Variants in LRIF1 observed in about 807,000 individuals in gnomAD.
LRIF1 encodes ligand-dependent nuclear receptor-interacting factor 1.
Under a neutral mutation model 52.7 loss-of-function variants are expected in LRIF1, and 32 were observed. The observed-to-expected ratio is 0.61, with a 90% CI of 0.46 to 0.82. The LOEUF is 0.82. Ranked by LOEUF, LRIF1 falls within the 40% of genes least tolerant of loss-of-function variation. The pLI, the probability that LRIF1 is intolerant of heterozygous loss-of-function variation, is 0.00. For synonymous variants in LRIF1, 323 were observed against 317.4 expected (o/e 1.02, Z -0.19); for missense variants, 887 against 892.0 (o/e 0.99, Z 0.07).
intron 1 of LRIF1, among the ~76,000 whole-genome samples, chr1:110,957,273 C>G (rs2101118153): frequency 7.7e-6 from 1 of 129,454 alleles, no homozygotes; most frequent in East Asian, 2.2e-4. Context: ...CTGGCTAACA[C>G]AGTGAAACCC....
chr1:110,894,823 T>A, the LRIF1 span: 2 of 673,912 alleles, frequency 3.0e-6, no homozygotes, highest in Non-Finnish European at 5.4e-6. Flanking sequence ...ATAAACACCC[T>A]CCCCTCACCC....
chr1:110,963,583 AG>A (rs770575401), intron 1 of LRIF1, 37 bp downstream of exon 1: 3 of 1,565,010 alleles, frequency 1.9e-6, no homozygotes, highest in Non-Finnish European at 2.6e-6. Flanking sequence ...AGACGGACAG[AG>A]GGGCAGCCGT....
the LRIF1 span, among the ~76,000 whole-genome samples, chr1:110,882,622 T>A: frequency 6.6e-6 from 1 of 152,044 alleles, no homozygotes; most frequent in Non-Finnish European, 1.5e-5. Flanking sequence ...GCTGTAATAT[T>A]GATGGGGATT....
intron 1 of LRIF1, among the ~76,000 whole-genome samples, chr1:110,954,205 TAAC>T (rs1658600139): frequency 6.6e-6 from 1 of 152,212 alleles, no homozygotes; most frequent in African/African-American, 2.4e-5. Flanking sequence ...GCAGCCCGAA[TAAC>T]ATTATTATAT....
At chr1:110,946,608 AT>A (rs55737391), downstream of LRIF1, among the ~76,000 whole-genome samples, 38,606 of 130,824 alleles carry the variant, frequency 0.3, 5,523 homozygotes, top group East Asian at 0.39. Context: ...CATTGCACAG[AT>A]TTTTTTTTTC....
chr1:110,918,594 A>G, the LRIF1 span, among the ~76,000 whole-genome samples: 1 of 152,196 alleles, frequency 6.6e-6, no homozygotes, highest in Non-Finnish European at 1.5e-5. Context: ...GAGGGATAAA[A>G]TATTTGTAAA....
chr1:110,888,429 G>C, the LRIF1 span, among the ~76,000 whole-genome samples: 1 of 152,274 alleles, frequency 6.6e-6, no homozygotes, highest in East Asian at 1.9e-4. Flanking sequence ...GTGAATATAA[G>C]CTGAGGCAAT....
chr1:110,956,558 C>G (rs780032069), intron 1 of LRIF1, among the ~76,000 whole-genome samples: 1 of 152,186 alleles, frequency 6.6e-6, no homozygotes, highest in Non-Finnish European at 1.5e-5. Context: ...GCTAGAAATA[C>G]AGGAACTGGC....
At chr1:110,949,107 C>T (rs1361418564) in intron 3 of LRIF1, among the ~76,000 whole-genome samples, 5 of 151,268 alleles carry the variant, frequency 3.3e-5, no homozygotes, top group African/African-American at 7.3e-5. Flanking sequence ...GTGGGGTGGG[C>T]GGTGTTTATA....
At chr1:110,891,350 T>C in the LRIF1 span, 11 of 1,297,038 alleles carry the variant, frequency 8.5e-6, no homozygotes, top group Admixed American at 1.7e-5. Flanking sequence ...CTGGCTACCT[T>C]ACAGAGTGAG....
chr1:110,946,651 C>CTTT (rs1197301792), downstream of LRIF1, among the ~76,000 whole-genome samples: 122 of 80,876 alleles, frequency 1.5e-3, 1 homozygote, highest in African/African-American at 2.5e-3. Context: ...AGATTTGATC[C>CTTT]TTTTTTTTTT....
downstream of LRIF1, chr1:110,944,144 T>A (rs1658148488): frequency 6.6e-6 from 1 of 152,226 alleles, no homozygotes; most frequent in Admixed American, 6.5e-5. Context: ...GGGCTGATGA[T>A]AGCACTGACA....
chr1:110,942,669 C>T (rs1658119713), downstream of LRIF1, among the ~76,000 whole-genome samples: 1 of 151,900 alleles, frequency 6.6e-6, no homozygotes, highest in Non-Finnish European at 1.5e-5. Context: ...AGGCACGAGA[C>T]AAAGGAAAAA....
intron 1 of LRIF1, 111 bp downstream of exon 1, chr1:110,963,510 T>A: frequency 1.2e-6 from 1 of 835,468 alleles, no homozygotes; most frequent in Non-Finnish European, 1.8e-6. Context: ...TGGCGCACTC[T>A]GCGGGCTCCA....
chr1:110,951,887 T>G lies in LRIF1; in HGVS notation c.997A>C (p.Asn333His), dbSNP rs1230636585. Residue 333 changes from asparagine to histidine, a missense_variant, in exon 2 of 4, where the codon AAT (asparagine) becomes CAT (histidine). By Grantham distance (68) the Asn-to-His change is moderately conservative. Transcript: ENST00000369763. ...DRKNLGDNTI[N>H]MPPLSTIDPS... ...TCGATGGTACTCAATGGTGGCATAT[T>G]TATAGTATTATCTCCCAAATTTTTC... 6.2e-7 allele frequency: 1 copy of G among 1,613,956 alleles called. No individual in the cohort carries two copies. Among genetic ancestry groups the G allele is most frequent in the South Asian group, 1.1e-5 (1 of 91,086 alleles).
chr1:110,895,543 G>A, the LRIF1 span, among the ~76,000 whole-genome samples: 1 of 152,110 alleles, frequency 6.6e-6, no homozygotes, highest in East Asian at 1.9e-4. Flanking sequence ...TAAAGATGGA[G>A]CCTTGCACCA....
the LRIF1 span, among the ~76,000 whole-genome samples, chr1:110,879,745 T>A: frequency 6.6e-6 from 1 of 152,028 alleles, no homozygotes; most frequent in African/African-American, 2.4e-5. Context: ...AAAAAAATTT[T>A]AAAATAGAGA....
At chr1:110,919,533 T>G in the LRIF1 span, among the ~76,000 whole-genome samples, 13 of 152,118 alleles carry the variant, frequency 8.5e-5, no homozygotes, top group African/African-American at 3.1e-4. Context: ...CCCCTTTATA[T>G]CTATCTATCT....
the LRIF1 span, among the ~76,000 whole-genome samples, chr1:110,909,561 G>A: frequency 6.7e-6 from 1 of 148,708 alleles, no homozygotes; most frequent in Non-Finnish European, 1.5e-5. Flanking sequence ...AAACAAAAAA[G>A]GGCAGGGGTA....
Sources: gnomAD v4.1 joint callset for allele counts (sites outside exome capture counted in the v4.1 genomes callset) on GRCh38, gnomAD v4.1.1 for gene constraint, MANE v1.5 for transcripts, NCBI Gene and HGNC (gene_info 2026-07-23, HGNC 2026-07-21) for gene names.